Variants in PTPN4 observed in about 807,000 individuals in gnomAD.
The protein encoded by PTPN4 is tyrosine-protein phosphatase non-receptor type 4.
In PTPN4, 49 loss-of-function variants were observed where a neutral mutation model predicts 135.5. The ratio of observed to expected loss-of-function variants is 0.36; its 90% CI spans 0.29 to 0.46. PTPN4 has a LOEUF of 0.46. Ranked by LOEUF, PTPN4 falls within the 20% of genes least tolerant of loss-of-function variation. The pLI is 1.00. For synonymous variants in PTPN4, 333 were observed against 369.9 expected (o/e 0.90, Z 1.14); for missense variants, 860 against 1,101.0 (o/e 0.78, Z 3.10).
intron 2 of PTPN4, among the ~76,000 whole-genome samples, chr2:119,847,324 A>ATG (rs1323986300): frequency 4.4e-5 from 5 of 113,334 alleles, no homozygotes; most frequent in Non-Finnish European, 8.8e-5. Flanking sequence ...ACATATATAT[A>ATG]TATATTTTTT....
Position 119,983,595 on chromosome 2 carries a change from C to T in PTPN4, c.*6525C>T, listed in dbSNP as rs1679725546. 6.6e-6 allele frequency: 1 copy of T among 152,050 alleles called. No individual in the cohort carries two copies. The highest frequency in any genetic ancestry group is 2.1e-4 in the South Asian group (1 of 4,826). 9.4% of individuals were successfully genotyped at this position (152,050 alleles called of 1,614,324 possible). On this transcript the variant is annotated 3_prime_UTR_variant, in exon 27 of 27. Transcript: ENST00000263708. ...TTGCACTTTATTTCATGCTGACCACCAACTTAATTTATACATTTTAAAATA... is the reference window on the plus strand; with the variant it reads ...TTGCACTTTATTTCATGCTGACCACTAACTTAATTTATACATTTTAAAATA...
chr2:119,892,447 T>C (rs1395853325), intron 9 of PTPN4, among the ~76,000 whole-genome samples: 2 of 152,134 alleles, frequency 1.3e-5, no homozygotes, highest in Non-Finnish European at 2.9e-5. Context: ...ATAGATGCTA[T>C]GAAGAAAAGT....
In PTPN4 at chr2:119,760,304, G is replaced by T; in HGVS notation, c.-98G>T. The T allele has an allele frequency of 2.5e-6, 1 of 395,756 alleles. No individual in the cohort carries two copies. Among genetic ancestry groups the T allele is most frequent in the Admixed American group, 4.4e-5 (1 of 22,650 alleles). 24.5% of individuals were successfully genotyped at this position (395,756 alleles called of 1,614,324 possible). A position where few individuals can be genotyped will look rare whatever the true frequency, so the allele number is the denominator to read the frequency against. On this transcript the variant is annotated 5_prime_UTR_variant, in exon 1 of 27. Coordinates refer to ENST00000263708, the MANE Select transcript of PTPN4 (RefSeq NM_002830.4). ...TGAGGTAGCCCCCCGGAGCGGCACGGAGGACGCGCTTCTCCTCTGCGCGCC... is the reference window on the plus strand; with the variant it reads ...TGAGGTAGCCCCCCGGAGCGGCACGTAGGACGCGCTTCTCCTCTGCGCGCC...
rs35553909 is a variant in PTPN4, at chr2:119,927,113, CTTTTTT to C, written c.1070+460_1070+465del. Reference sequence around the variant, plus strand: ...TTTAGGGTCTGTCATAGCCAATTTGCTTTTTTTTTTTTTTTTTTGAGACGGAGTCTT... The same window carrying C: ...TTTAGGGTCTGTCATAGCCAATTTGCTTTTTTTTTTTTGAGACGGAGTCTT... On this transcript the variant is annotated intron_variant, in intron 13 of 26. Coordinates refer to ENST00000263708, the MANE Select transcript of PTPN4 (RefSeq NM_002830.4). Among the ~76,000 whole-genome samples the C allele has an allele frequency of 4.4e-4, 54 of 122,854 alleles. No homozygotes were observed. The South Asian group carries it at 7.6e-3, about 17-fold the overall frequency. The allele number at this position is 122,854 out of a possible 152,430, so 80.6% of individuals were successfully genotyped here.
At chr2:119,782,792 A>AC (rs1248159623) in intron 1 of PTPN4, among the ~76,000 whole-genome samples, 2 of 128,072 alleles carry the variant, frequency 1.6e-5, no homozygotes, top group African/African-American at 3.0e-5. Flanking sequence ...TACAGCCTCA[A>AC]CCCCCCAGGC....
intron 2 of PTPN4, among the ~76,000 whole-genome samples, chr2:119,824,561 A>T (rs1220757378): frequency 6.6e-6 from 1 of 152,086 alleles, no homozygotes; most frequent in African/African-American, 2.4e-5. Context: ...TTGTGCATTT[A>T]TCTATTTCTT....
chr2:119,854,811 G>A (rs538368766), intron 2 of PTPN4, among the ~76,000 whole-genome samples: 6 of 152,298 alleles, frequency 3.9e-5, no homozygotes, highest in African/African-American at 9.6e-5. Flanking sequence ...TGAAGCCTGC[G>A]TTGTTTCTTA....
At chr2:119,946,200 C>G (rs1312389520) in intron 16 of PTPN4, 141 bp from the exon 17 acceptor site, 2 of 652,066 alleles carry the variant, frequency 3.1e-6, no homozygotes, top group Non-Finnish European at 4.9e-6. Flanking sequence ...ATTTACTCTT[C>G]TGAACTAAAA....
At chr2:119,956,384 G>A (rs1207852218) in intron 20 of PTPN4, among the ~76,000 whole-genome samples, 1 of 151,692 alleles carries the variant, frequency 6.6e-6, no homozygotes, top group East Asian at 1.9e-4. Flanking sequence ...AGGCTCCCTG[G>A]ATAGTTTTTA....
intron 26 of PTPN4, among the ~76,000 whole-genome samples, chr2:119,972,029 G>A (rs2105066165): frequency 1.3e-5 from 2 of 152,298 alleles, no homozygotes; most frequent in South Asian, 4.1e-4. Context: ...GTACTACACT[G>A]TCATCATTAC....
intron 13 of PTPN4, among the ~76,000 whole-genome samples, chr2:119,926,946 G>T (rs1167983697): frequency 6.6e-6 from 1 of 151,888 alleles, no homozygotes. Flanking sequence ...GTTCGAGGTT[G>T]CTCCACTTTT....
chr2:119,802,642 G>C (rs547644989), intron 1 of PTPN4, among the ~76,000 whole-genome samples: 1 of 152,240 alleles, frequency 6.6e-6, no homozygotes, highest in Non-Finnish European at 1.5e-5. Flanking sequence ...AAGGGTTTTT[G>C]TGTCTGTATT....
At chr2:119,795,566 G>T (rs1026708943) in intron 1 of PTPN4, among the ~76,000 whole-genome samples, 1 of 152,212 alleles carries the variant, frequency 6.6e-6, no homozygotes, top group African/African-American at 2.4e-5. Flanking sequence ...GCCTCAACTT[G>T]GCTCCACAGT....
At chr2:119,942,733 T>G (rs903491752) in intron 15 of PTPN4, among the ~76,000 whole-genome samples, 2 of 152,220 alleles carry the variant, frequency 1.3e-5, no homozygotes, top group Non-Finnish European at 2.9e-5. Flanking sequence ...ATGTTGCATC[T>G]CTTAAGTTCT....
At chr2:119,771,163 A>G (rs972922838) in intron 1 of PTPN4, among the ~76,000 whole-genome samples, 8 of 152,210 alleles carry the variant, frequency 5.3e-5, no homozygotes, top group Admixed American at 4.6e-4. Flanking sequence ...GTGGATGAGT[A>G]CTTCAGTGAG....
intron 15 of PTPN4, among the ~76,000 whole-genome samples, chr2:119,942,662 G>T (rs1342231134): frequency 6.6e-6 from 1 of 152,112 alleles, no homozygotes; most frequent in Non-Finnish European, 1.5e-5. Context: ...TATATATGTC[G>T]AGTCCAATTA....
At chr2:119,894,920 G>A (rs372361530) in intron 9 of PTPN4, among the ~76,000 whole-genome samples, 3 of 152,142 alleles carry the variant, frequency 2.0e-5, no homozygotes, top group African/African-American at 7.2e-5. Flanking sequence ...ATGGGAAAGT[G>A]GACACTCTAA....
At chr2:119,933,704 G>C (rs970554756) in intron 14 of PTPN4, among the ~76,000 whole-genome samples, 34 of 151,652 alleles carry the variant, frequency 2.2e-4, no homozygotes, top group African/African-American at 6.5e-4. Flanking sequence ...AGCATTGAAG[G>C]CTATTATCAG....
rs70949374 is a variant in PTPN4 at position 119,943,580 on chromosome 2, CTTTTTTTTTTT to C, written c.1356-1488_1356-1478del. On this transcript the variant is annotated intron_variant, in intron 15 of 26. Coordinates refer to ENST00000263708, the MANE Select transcript of PTPN4 (RefSeq NM_002830.4). ...AAATCATAAGCTGTTTCATTTTTTT[CTTTTTTTTTTT>C]TTTTTTTTTTTTGAGATGGAGTCTT... 7.1e-3 allele frequency among the ~76,000 whole-genome samples: 564 copies of C among 79,946 alleles called. 6 individuals are homozygous for C. The highest frequency in any genetic ancestry group is 0.027 in the African/African-American group (534 of 20,010). 52.4% of individuals were successfully genotyped at this position (79,946 alleles called of 152,430 possible). A position where few individuals can be genotyped will look rare whatever the true frequency, so the allele number is the denominator to read the frequency against.
Sources: gnomAD v4.1 joint callset for allele counts (sites outside exome capture counted in the v4.1 genomes callset) on GRCh38, gnomAD v4.1.1 for gene constraint, MANE v1.5 for transcripts, NCBI Gene and HGNC (gene_info 2026-07-23, HGNC 2026-07-21) for gene names.